CNTN5: variants seen among roughly 807,000 people sequenced by gnomAD.
CNTN5 encodes the protein contactin 5.
CNTN5 carries 77 observed loss-of-function variants against 129.1 expected under a neutral mutation model. That is an observed-to-expected ratio of 0.60 (90% CI 0.50 to 0.72). CNTN5 has a LOEUF of 0.72. Among genes scored for constraint, CNTN5 ranks in the 30% least tolerant of loss-of-function variants. The pLI, the probability that CNTN5 is intolerant of heterozygous loss-of-function variation, is 0.00. For synonymous variants in CNTN5, 509 were observed against 465.6 expected (o/e 1.09, Z -1.20); for missense variants, 1,478 against 1,328.8 (o/e 1.11, Z -1.75).
At chr11:99,212,996 C>G (rs1349293417) in intron 1 of CNTN5, among the ~76,000 whole-genome samples, 1 of 151,678 alleles carries the variant, frequency 6.6e-6, no homozygotes, top group African/African-American at 2.4e-5. Flanking sequence ...TGGAGACCAT[C>G]CTGGCTAACA....
intron 3 of CNTN5, among the ~76,000 whole-genome samples, chr11:99,796,848 A>G (rs75432384): frequency 0.11 from 16,290 of 151,700 alleles, 1,572 homozygotes; most frequent in East Asian, 0.43. Flanking sequence ...CCCCTACTAC[A>G]TCTCTAAGCA....
intron 2 of CNTN5, among the ~76,000 whole-genome samples, chr11:99,412,634 A>G (rs75196136): frequency 6.6e-5 from 10 of 152,302 alleles, no homozygotes; most frequent in African/African-American, 1.7e-4. Context: ...TGCCACTTTA[A>G]TCCTGTTTCA....
At chr11:100,009,406 T>C (rs1389074950) in intron 9 of CNTN5, among the ~76,000 whole-genome samples, 1 of 151,132 alleles carries the variant, frequency 6.6e-6, no homozygotes, top group Non-Finnish European at 1.5e-5. Flanking sequence ...AGAGAACCCA[T>C]AGGGAAACAA....
In CNTN5 at chr11:99,758,330, C is replaced by T. The variant is rs200200551; in HGVS notation, c.56-61214C>T. 3.9e-5 allele frequency among the ~76,000 whole-genome samples: 6 copies of T among 152,064 alleles called. No homozygotes were observed. The East Asian group carries it at 1.2e-3, about 29-fold the overall frequency. On this transcript the variant is annotated intron_variant, in intron 3 of 24. Transcript: ENST00000524871. ...GTATTATATTAGGAATTATGAAAAA[C>T]AGAAGTATTATATGATCCTGCTTAC...
intron 3 of CNTN5, among the ~76,000 whole-genome samples, chr11:99,741,332 C>A (rs1190431641): frequency 6.6e-6 from 1 of 151,994 alleles, no homozygotes; most frequent in African/African-American, 2.4e-5. Context: ...TTCAGTTGCA[C>A]CTTTTTATTC....
intron 2 of CNTN5, among the ~76,000 whole-genome samples, chr11:99,431,529 G>C (rs74766203): frequency 6.6e-6 from 1 of 152,042 alleles, no homozygotes; most frequent in Non-Finnish European, 1.5e-5. Context: ...ATTCCTTGGA[G>C]GGGGGAAACT....
chr11:99,658,793 C>G (rs1175739228), intron 3 of CNTN5, among the ~76,000 whole-genome samples: 2 of 144,738 alleles, frequency 1.4e-5, no homozygotes, highest in African/African-American at 5.1e-5. Flanking sequence ...GAGGCTGAGG[C>G]AGGAGAATTG....
intron 1 of CNTN5, among the ~76,000 whole-genome samples, chr11:99,054,567 T>C (rs1329045097): frequency 1.3e-5 from 2 of 151,850 alleles, no homozygotes; most frequent in Admixed American, 1.3e-4. Context: ...TTCCAAAGTG[T>C]TCCTTAAAAC....
chr11:99,987,572 C>T (rs897293972), intron 8 of CNTN5, among the ~76,000 whole-genome samples: 1 of 150,086 alleles, frequency 6.7e-6, no homozygotes, highest in Admixed American at 6.7e-5. Context: ...TACATATATG[C>T]ACAGAGAGAG....
intron 1 of CNTN5, among the ~76,000 whole-genome samples, chr11:99,292,274 A>C (rs1231741672): frequency 6.6e-6 from 1 of 151,722 alleles, no homozygotes; most frequent in Non-Finnish European, 1.5e-5. Context: ...CACATAAAAA[A>C]CTTCCACATT....
At chr11:99,825,484 T>C (rs1344777677) in intron 4 of CNTN5, among the ~76,000 whole-genome samples, 2 of 152,074 alleles carry the variant, frequency 1.3e-5, no homozygotes, top group Non-Finnish European at 2.9e-5. Flanking sequence ...CAATACTTAA[T>C]TATATTTTCT....
At chr11:100,095,466 A>G (rs1190348888) in intron 13 of CNTN5, among the ~76,000 whole-genome samples, 4 of 152,230 alleles carry the variant, frequency 2.6e-5, no homozygotes, top group East Asian at 3.9e-4. Context: ...CTAGATGTAT[A>G]TGACCACAGG....
intron 15 of CNTN5, among the ~76,000 whole-genome samples, chr11:100,224,187 G>T (rs2138627853): frequency 6.6e-6 from 1 of 152,190 alleles, no homozygotes; most frequent in East Asian, 1.9e-4. Flanking sequence ...ATGGCTTTGG[G>T]ACCAGCACTC....
At chr11:99,401,599 T>A (rs979045176) in intron 2 of CNTN5, among the ~76,000 whole-genome samples, 1 of 152,114 alleles carries the variant, frequency 6.6e-6, no homozygotes, top group Non-Finnish European at 1.5e-5. Context: ...TTTTAGAATT[T>A]CAAAATATTT....
At chr11:100,089,061 T>A (rs1158950391) in intron 13 of CNTN5, among the ~76,000 whole-genome samples, 1 of 152,158 alleles carries the variant, frequency 6.6e-6, no homozygotes, top group African/African-American at 2.4e-5. Flanking sequence ...ATTTCTGGGA[T>A]GAAAGGTTGG....
intron 3 of CNTN5, among the ~76,000 whole-genome samples, chr11:99,676,725 T>TA (rs887140452): frequency 1.9e-3 from 291 of 151,510 alleles, no homozygotes; most frequent in Middle Eastern, 0.014. Context: ...AAAGTATAAT[T>TA]AAAAAAAAAT....
chr11:99,368,571 C>A (rs1939609566), intron 2 of CNTN5, among the ~76,000 whole-genome samples: 1 of 152,030 alleles, frequency 6.6e-6, no homozygotes, highest in African/African-American at 2.4e-5. Context: ...ATTTCATAAG[C>A]TTTATTAAAT....
intron 3 of CNTN5, among the ~76,000 whole-genome samples, chr11:99,786,404 A>G (rs1945525485): frequency 6.6e-6 from 1 of 152,144 alleles, no homozygotes; most frequent in South Asian, 2.1e-4. Flanking sequence ...GGAAGAATCA[A>G]TATCGCAAAA....
At chr11:100,234,216 C>T (rs61909777) in intron 16 of CNTN5, among the ~76,000 whole-genome samples, 9,767 of 145,310 alleles carry the variant, frequency 0.067, 403 homozygotes, top group South Asian at 0.12. Context: ...TTAGTTCAAC[C>T]ATTGTAGAAG....
Sources: gnomAD v4.1 joint callset for allele counts (sites outside exome capture counted in the v4.1 genomes callset) on GRCh38, gnomAD v4.1.1 for gene constraint, MANE v1.5 for transcripts, NCBI Gene and HGNC (gene_info 2026-07-23, HGNC 2026-07-21) for gene names.